Variants in ROR1 observed in about 807,000 individuals in gnomAD.
ROR1 encodes ROR family WNT receptor 1, also known as inactive tyrosine-protein kinase transmembrane receptor ROR1.
ROR1 carries 19 observed loss-of-function variants against 78.8 expected under a neutral mutation model. The ratio of observed to expected loss-of-function variants is 0.24; its 90% CI spans 0.17 to 0.35. ROR1 has a LOEUF of 0.35. Ranked by LOEUF, ROR1 falls within the 10% of genes least tolerant of loss-of-function variation. The pLI, the probability that ROR1 is intolerant of heterozygous loss-of-function variation, is 1.00. For synonymous variants in ROR1, 386 were observed against 433.6 expected (o/e 0.89, Z 1.36); for missense variants, 917 against 1,177.8 (o/e 0.78, Z 3.24).
Position 64,137,774 on chromosome 1 carries a change from A to G in ROR1, c.610+278A>G, listed in dbSNP as rs186612201. Among the ~76,000 whole-genome samples the G allele has an allele frequency of 3.3e-5, 5 of 152,316 alleles. No individual in the cohort carries two copies. The East Asian group carries it at 9.7e-4, about 29-fold the overall frequency. On this transcript the variant is annotated intron_variant, in intron 5 of 8. Transcript: ENST00000371079. ...GTGCTTTCACCGTACCAGGAACTGA[A>G]TCTGAATGGGAGAGGTGATGGTGTG...
chr1:63,915,022 T>G (rs972033212), intron 1 of ROR1, among the ~76,000 whole-genome samples: 4 of 152,156 alleles, frequency 2.6e-5, no homozygotes, highest in Non-Finnish European at 4.4e-5. Context: ...TAGCTACCCT[T>G]TATTGAATAC....
chr1:64,023,706 T>C (rs1325996331), intron 2 of ROR1, among the ~76,000 whole-genome samples: 2 of 152,240 alleles, frequency 1.3e-5, no homozygotes, highest in African/African-American at 4.8e-5. Flanking sequence ...GGAATCATAT[T>C]GAGCCATTCT....
intron 4 of ROR1, among the ~76,000 whole-genome samples, chr1:64,075,066 A>T (rs1436586104): frequency 6.6e-6 from 1 of 152,152 alleles, no homozygotes; most frequent in East Asian, 1.9e-4. Flanking sequence ...GTGCTTTAAA[A>T]ATGTTGGCTG....
At chr1:63,798,116 C>T (rs150053430) in intron 1 of ROR1, among the ~76,000 whole-genome samples, 1 of 152,242 alleles carries the variant, frequency 6.6e-6, no homozygotes, top group South Asian at 2.1e-4. Flanking sequence ...CAGACATTTT[C>T]TGAGACTCAG....
intron 7 of ROR1, among the ~76,000 whole-genome samples, chr1:64,154,684 C>T (rs1464642263): frequency 1.3e-5 from 2 of 152,036 alleles, no homozygotes; most frequent in Non-Finnish European, 2.9e-5. Flanking sequence ...AACTGTGATA[C>T]CAAATTGTTT....
chr1:64,065,535 A>G (rs1365360348), intron 4 of ROR1, among the ~76,000 whole-genome samples: 2 of 152,182 alleles, frequency 1.3e-5, no homozygotes, highest in Non-Finnish European at 1.5e-5. Context: ...AGGCTTCTTT[A>G]TCCTCCTAAA....
At chr1:64,148,923 T>C (rs1345517004) in intron 7 of ROR1, among the ~76,000 whole-genome samples, 1 of 152,192 alleles carries the variant, frequency 6.6e-6, no homozygotes, top group African/African-American at 2.4e-5. Context: ...AACCAATATA[T>C]GTTGAGCTTC....
chr1:64,072,061 C>T (rs1647008523), intron 4 of ROR1, among the ~76,000 whole-genome samples: 1 of 152,184 alleles, frequency 6.6e-6, no homozygotes, highest in African/African-American at 2.4e-5. Flanking sequence ...AATATCTAAA[C>T]ACTGAATGAG....
intron 2 of ROR1, among the ~76,000 whole-genome samples, chr1:64,049,213 T>C (rs1646808725): frequency 6.6e-6 from 1 of 152,222 alleles, no homozygotes; most frequent in Admixed American, 6.5e-5. Flanking sequence ...TCTGATCTTG[T>C]GCCATGTGGA....
At position 64,158,859 on chromosome 1, in the gene ROR1, TCA is replaced by T. The variant is rs200861697; in HGVS notation, c.1175-119_1175-118del. The T allele has an allele frequency of 8.8e-5, 61 of 692,930 alleles. No homozygotes were observed. In the East Asian group the frequency reaches 1.5e-3, roughly 17 times the overall value. 42.9% of individuals were successfully genotyped at this position (692,930 alleles called of 1,614,324 possible). A position where few individuals can be genotyped will look rare whatever the true frequency, so the allele number is the denominator to read the frequency against. ...TAATAAGCAGTGGATTCCTTTCTTC[TCA>T]CAGTGGATTTGTGTGTATAAAAGAA... On this transcript the variant is annotated intron_variant, in intron 7 of 8. Coordinates refer to ENST00000371079, the MANE Select transcript of ROR1 (RefSeq NM_005012.4).
intron 1 of ROR1, among the ~76,000 whole-genome samples, chr1:63,802,514 G>GT (rs1644803317): frequency 6.6e-6 from 1 of 152,178 alleles, no homozygotes. Context: ...GGAAAATGGA[G>GT]GTTCATAGAA....
chr1:63,823,658 G>T (rs1156283007), intron 1 of ROR1, among the ~76,000 whole-genome samples: 1 of 151,820 alleles, frequency 6.6e-6, no homozygotes, highest in African/African-American at 2.4e-5. Context: ...TTGCTATGTT[G>T]CACAGGCTGG....
At chr1:63,793,960 CG>C (rs1167903749) in intron 1 of ROR1, among the ~76,000 whole-genome samples, 1 of 152,142 alleles carries the variant, frequency 6.6e-6, no homozygotes, top group Non-Finnish European at 1.5e-5. Context: ...CTCCTGTCTC[CG>C]TTGTGTGCAC....
chr1:63,945,883 G>T (rs1356614257), intron 1 of ROR1, among the ~76,000 whole-genome samples: 1 of 152,188 alleles, frequency 6.6e-6, no homozygotes, highest in East Asian at 1.9e-4. Context: ...CTGCAACATG[G>T]TGCTAGTGAT....
chr1:63,972,510 T>G (rs552050876), intron 1 of ROR1, among the ~76,000 whole-genome samples: 1 of 152,322 alleles, frequency 6.6e-6, no homozygotes, highest in East Asian at 1.9e-4. Flanking sequence ...CTTACATTTA[T>G]TGTATCTATG....
At chr1:63,995,173 T>C (rs1187180571) in intron 1 of ROR1, among the ~76,000 whole-genome samples, 1 of 152,218 alleles carries the variant, frequency 6.6e-6, no homozygotes, top group Non-Finnish European at 1.5e-5. Flanking sequence ...CTTGGCAGGT[T>C]GATGGCTAAT....
chr1:63,859,848 A>G (rs1645169403), intron 1 of ROR1, among the ~76,000 whole-genome samples: 1 of 152,224 alleles, frequency 6.6e-6, no homozygotes, highest in Non-Finnish European at 1.5e-5. Context: ...TAAAATGGGA[A>G]TAATAGGGTA....
At chr1:63,857,085 T>C (rs780411646) in intron 1 of ROR1, among the ~76,000 whole-genome samples, 10 of 152,158 alleles carry the variant, frequency 6.6e-5, no homozygotes, top group Non-Finnish European at 1.0e-4. Flanking sequence ...AATAAGTACT[T>C]GTTGAATGAA....
chr1:64,155,319 G>C (rs1649740798), intron 7 of ROR1, among the ~76,000 whole-genome samples: 1 of 152,212 alleles, frequency 6.6e-6, no homozygotes, highest in African/African-American at 2.4e-5. Flanking sequence ...TTCAGAGCCA[G>C]CAGAGACTGA....
Sources: gnomAD v4.1 joint callset for allele counts (sites outside exome capture counted in the v4.1 genomes callset) on GRCh38, gnomAD v4.1.1 for gene constraint, MANE v1.5 for transcripts, NCBI Gene and HGNC (gene_info 2026-07-23, HGNC 2026-07-21) for gene names.